The following WDR76 variants were observed in gnomAD, a reference collection of about 807,000 sequenced individuals.
The protein encoded by WDR76 is WD repeat-containing protein 76.
WDR76 carries 52 observed loss-of-function variants against 70.2 expected under a neutral mutation model. The ratio of observed to expected loss-of-function variants is 0.74; its 90% CI spans 0.59 to 0.93. WDR76 has a LOEUF of 0.93. Among genes scored for constraint, WDR76 ranks in the 40% least tolerant of loss-of-function variants. The pLI, the probability that WDR76 is intolerant of heterozygous loss-of-function variation, is 0.00. For synonymous variants in WDR76, 292 were observed against 271.1 expected (o/e 1.08, Z -0.76); for missense variants, 756 against 760.2 (o/e 0.99, Z 0.07).
At chr15:43,849,193 A>G (rs989348766) in intron 8 of WDR76, among the ~76,000 whole-genome samples, 12 of 150,630 alleles carry the variant, frequency 8.0e-5, no homozygotes, top group Non-Finnish European at 1.8e-4. Flanking sequence ...AAAAAAAAAG[A>G]CTGTTGGAGG....
chr15:43,843,852 C>T (rs1482494369), intron 7 of WDR76, 49 bp from the exon 8 acceptor site: 1 of 1,439,918 alleles, frequency 6.9e-7, no homozygotes, highest in Non-Finnish European at 9.3e-7. Flanking sequence ...CTTATTTTGA[C>T]TATTGAGATT....
chr15:43,830,784 T>G (rs1303896491), intron 2 of WDR76, among the ~76,000 whole-genome samples: 1 of 151,892 alleles, frequency 6.6e-6, no homozygotes, highest in African/African-American at 2.4e-5. Flanking sequence ...TGGTGGTTCA[T>G]GCCTGCACTC....
At chr15:43,848,666 C>T (rs983878424) in intron 8 of WDR76, among the ~76,000 whole-genome samples, 18 of 152,072 alleles carry the variant, frequency 1.2e-4, no homozygotes, top group Admixed American at 3.3e-4. Flanking sequence ...CAAGGCCGGG[C>T]GCAGTGGCTC....
chr15:43,862,236 T>C (rs2088006584), intron 12 of WDR76, among the ~76,000 whole-genome samples: 1 of 151,592 alleles, frequency 6.6e-6, no homozygotes, highest in South Asian at 2.1e-4. Context: ...TGATATACAT[T>C]GATTGTTGCT....
intron 2 of WDR76, among the ~76,000 whole-genome samples, chr15:43,833,938 C>T (rs2087623753): frequency 6.6e-6 from 1 of 152,028 alleles, no homozygotes; most frequent in African/African-American, 2.4e-5. Flanking sequence ...CCCGGCCTGC[C>T]ATTTATATTA....
At chr15:43,860,908 C>CACTT (rs2087988016) in intron 11 of WDR76, among the ~76,000 whole-genome samples, 1 of 117,590 alleles carries the variant, frequency 8.5e-6, no homozygotes, top group African/African-American at 3.5e-5. Flanking sequence ...CCTGATCTTA[C>CACTT]TCTTTTTTTT....
At chr15:43,836,282 A>C in intron 4 of WDR76, 66 bp downstream of exon 4, 2 of 1,523,606 alleles carry the variant, frequency 1.3e-6, no homozygotes, top group Non-Finnish European at 1.8e-6. Flanking sequence ...AATTTGAAAA[A>C]AATGGTTTGG....
At chr15:43,860,680 AT>A (rs958495342) in intron 11 of WDR76, among the ~76,000 whole-genome samples, 4 of 150,374 alleles carry the variant, frequency 2.7e-5, no homozygotes, top group Non-Finnish European at 5.9e-5. Flanking sequence ...TTTTTTTTAA[AT>A]TTTTTTTTGT....
intron 11 of WDR76, among the ~76,000 whole-genome samples, chr15:43,860,197 A>T: frequency 6.6e-6 from 1 of 152,324 alleles, no homozygotes; most frequent in Admixed American, 6.5e-5. Flanking sequence ...GTGAGCTGTG[A>T]CGGTGCCATT....
intron 10 of WDR76, chr15:43,857,374 A>G (rs1041299642): frequency 1.2e-6 from 1 of 829,494 alleles, no homozygotes; most frequent in African/African-American, 1.8e-5. Context: ...TAAATAGTGA[A>G]AAAGCTGAAA....
intron 3 of WDR76, 141 bp downstream of exon 3, chr15:43,835,291 A>ACCCGCCCCCCGCCC: frequency 1.9e-6 from 1 of 538,316 alleles, no homozygotes; most frequent in Non-Finnish European, 3.1e-6. Flanking sequence ...ACATACGGAG[A>ACCCGCCCCCCGCCC]CCCGCCCCCC....
chr15:43,851,011 G>A (rs1156565250), intron 8 of WDR76, 76 bp from the exon 9 acceptor site: 3 of 1,535,992 alleles, frequency 2.0e-6, no homozygotes, highest in African/African-American at 1.4e-5. Context: ...ATTCTTTAAT[G>A]ACATAATAGC....
rs189626320 is a variant in WDR76 at position 43,858,215 on chromosome 15, G to T, written c.1410-456G>T. On this transcript the variant is annotated intron_variant, in intron 10 of 12. Transcript: ENST00000263795. ...CAAAGTGCTGGGATTACAGGCGTGA[G>T]CCACCATGCCTGGCCTTAGAGAGTT... Among the ~76,000 whole-genome samples, 265 of 151,610 alleles carry T rather than the reference G, an allele frequency of 1.7e-3. 2 individuals carry two copies. The highest frequency in any genetic ancestry group is 6.3e-3 in the African/African-American group (259 of 41,336).
rs536299430 is a variant in WDR76, at chr15:43,832,621, T to A, written c.463-2440T>A. ...CCACCATGCCTGGGTAATTTTTGTA[T>A]TTTTAGTAGAGATTAGGTTTCACCA... On this transcript the variant is annotated intron_variant, in intron 2 of 12. Coordinates refer to ENST00000263795, the MANE Select transcript of WDR76 (RefSeq NM_024908.4). 8.1e-4 allele frequency among the ~76,000 whole-genome samples: 123 copies of A among 152,020 alleles called. 5 individuals carry two copies. The South Asian group carries it at 0.025, about 31-fold the overall frequency.
At chr15:43,848,079 AAAC>A (rs1596076585) in intron 8 of WDR76, among the ~76,000 whole-genome samples, 1 of 144,550 alleles carries the variant, frequency 6.9e-6, no homozygotes, top group African/African-American at 2.7e-5. Flanking sequence ...AAAAACAAAC[AAAC>A]AAAAAAAAAA....
intron 8 of WDR76, among the ~76,000 whole-genome samples, chr15:43,844,921 CTG>C (rs2087769282): frequency 6.2e-5 from 2 of 32,226 alleles, no homozygotes; most frequent in Non-Finnish European, 1.1e-4. Flanking sequence ...GAGCGAGACT[CTG>C]TGTAAAAAAA....
intron 8 of WDR76, among the ~76,000 whole-genome samples, chr15:43,848,709 G>A (rs531564355): frequency 3.9e-5 from 6 of 152,268 alleles, no homozygotes; most frequent in African/African-American, 1.4e-4. Context: ...GGGAGGCTGA[G>A]GCAGGTGAAT....
intron 1 of WDR76, among the ~76,000 whole-genome samples, 174 bp from the exon 2 acceptor site, chr15:43,827,791 C>G (rs543948152): frequency 6.6e-6 from 1 of 152,106 alleles, no homozygotes; most frequent in Admixed American, 6.6e-5. Context: ...GCGATCTGCC[C>G]GATTGGGCCT....
At chr15:43,860,910 C>CTTT (rs34504509) in intron 11 of WDR76, among the ~76,000 whole-genome samples, 1,095 of 79,010 alleles carry the variant, frequency 0.014, 211 homozygotes, top group African/African-American at 0.044. Flanking sequence ...TGATCTTACT[C>CTTT]TTTTTTTTTT....
Sources: gnomAD v4.1 joint callset for allele counts (sites outside exome capture counted in the v4.1 genomes callset) on GRCh38, gnomAD v4.1.1 for gene constraint, MANE v1.5 for transcripts, NCBI Gene and HGNC (gene_info 2026-07-23, HGNC 2026-07-21) for gene names.